MYL9: variants seen among roughly 807,000 people sequenced by gnomAD.
The protein encoded by MYL9 is myosin regulatory light polypeptide 9.
MYL9 carries 7 observed loss-of-function variants against 12.8 expected under a neutral mutation model. That is an observed-to-expected ratio of 0.55 (90% CI 0.31 to 1.03). The LOEUF (loss-of-function observed/expected upper bound fraction) is 1.03. Among genes scored for constraint, MYL9 ranks in the 50% least tolerant of loss-of-function variants. MYL9 has a pLI of 0.05. For missense variants in MYL9, 190 were observed against 242.7 expected, an observed-to-expected ratio of 0.78 and a Z score of 1.44; for synonymous variants, 81 against 87.8, an observed-to-expected ratio of 0.92 and a Z score of 0.43.
At chr20:36,546,802 G>T (rs961842100) in intron 2 of MYL9, among the ~76,000 whole-genome samples, 1 of 152,164 alleles carries the variant, frequency 6.6e-6, no homozygotes, top group Non-Finnish European at 1.5e-5. Flanking sequence ...TAGAGACAGG[G>T]TTTCGCCATG....
chr20:36,544,849 C>T lies in MYL9; in HGVS notation c.-26-10C>T, dbSNP rs1216574518. ...TCACAGGGCCACCCAACCCCCACCC[C>T]TTCCTGCAGGGAAGCCCCACCCACC... On this transcript the variant is annotated splice_polypyrimidine_tract_variant and intron_variant, in intron 1 of 3. Coordinates refer to ENST00000279022, the MANE Select transcript of MYL9 (RefSeq NM_006097.5). 10 of 1,589,264 alleles carry T rather than the reference C, an allele frequency of 6.3e-6. No homozygotes were observed. The Admixed American group carries it at 1.7e-4, about 27-fold the overall frequency.
At chr20:36,543,508 G>C (rs2038060488) in intron 1 of MYL9, among the ~76,000 whole-genome samples, 1 of 152,204 alleles carries the variant, frequency 6.6e-6, no homozygotes, top group South Asian at 2.1e-4. Flanking sequence ...CAGGCCCACT[G>C]CCCCAGCCGA....
rs2038140056 is a variant in MYL9, at chr20:36,549,160, C to G, written c.430C>G (p.Arg144Gly). 4 of 1,613,822 alleles carry G rather than the reference C, an allele frequency of 2.5e-6. No individual in the cohort carries two copies. The African/African-American group carries it at 5.3e-5, about 22-fold the overall frequency. The part of the protein sequence containing the change: ...FTDEEVDEMY[R>G]EAPIDKKGNF... ...AGATGAGGAAGTGGACGAGATGTAC[C>G]GGGAGGCACCCATTGATAAGAAAGG... Residue 144 changes from arginine (R) to glycine (G), a missense_variant, in exon 4 of 4, where the codon CGG becomes GGG. By Grantham distance (125) the Arg-to-Gly change is moderately radical. Coordinates refer to ENST00000279022, the MANE Select transcript of MYL9 (RefSeq NM_006097.5).
In MYL9 at chr20:36,544,924, C is replaced by A. The variant is rs775610439; in HGVS notation, c.40C>A (p.Arg14=). Residue 14 remains arginine (R), a synonymous_variant, in exon 2 of 4, where the codon CGG becomes AGG. Transcript: ENST00000279022. ...KRAKAKTTKK[R]PQRATSNVFA... is the part of the protein sequence containing the mutation. ...GGCCAAAGCCAAGACCACCAAGAAG[C>A]GGCCACAGCGGGCCACATCCAATGT... The A allele has an allele frequency of 1.2e-6, 2 of 1,613,750 alleles. No homozygotes were observed. The highest frequency in any genetic ancestry group is 1.7e-6 in the Non-Finnish European group (2 of 1,179,856).
chr20:36,541,667 GC>G, intron 1 of MYL9, 106 bp downstream of exon 1: 1 of 152,716 alleles, frequency 6.5e-6, no homozygotes, highest in Non-Finnish European at 1.5e-5. Context: ...GCAAAGGCGG[GC>G]CCCACGGACT....
intron 2 of MYL9, 121 bp from the exon 3 acceptor site, chr20:36,547,911 C>A: frequency 8.0e-7 from 1 of 1,244,662 alleles, no homozygotes; most frequent in Non-Finnish European, 1.1e-6. Context: ...GTTCACAAAA[C>A]CCACTACCTC....
In MYL9 at chr20:36,551,206, GC is replaced by G. The variant is rs1430665904; in HGVS notation, c.*1959del. 6.6e-6 allele frequency: 1 copy of G among 152,354 alleles called. No homozygotes were observed. The highest frequency in any genetic ancestry group is 1.5e-5 in the Non-Finnish European group (1 of 68,188). 9.4% of individuals were successfully genotyped at this position (152,354 alleles called of 1,614,324 possible). ...TCCAGCCTCACTGGCTTCAGAACTG[GC>G]CTGGGGGCTACCTTGACCCACAGGA... On this transcript the variant is annotated 3_prime_UTR_variant, in exon 4 of 4. Transcript: ENST00000279022.
chr20:36,551,043 G>A lies in MYL9; in HGVS notation c.*1794G>A. ...CAGCAGAGCCACTGCAGCACCAAAGGCATTTCTGGAAGGAGGCAAGGACGC... is the reference window on the plus strand; with the variant it reads ...CAGCAGAGCCACTGCAGCACCAAAGACATTTCTGGAAGGAGGCAAGGACGC... On this transcript the variant is annotated 3_prime_UTR_variant, in exon 4 of 4. Coordinates refer to ENST00000279022, the MANE Select transcript of MYL9 (RefSeq NM_006097.5). 6.5e-6 allele frequency: 1 copy of A among 152,692 alleles called. No individual in the cohort carries two copies. Among genetic ancestry groups the A allele is most frequent in the Non-Finnish European group, 1.5e-5 (1 of 68,326 alleles). 9.5% of individuals were successfully genotyped at this position (152,692 alleles called of 1,614,324 possible).
intron 1 of MYL9, among the ~76,000 whole-genome samples, chr20:36,543,711 C>G (rs892556922): frequency 6.6e-6 from 1 of 152,192 alleles, no homozygotes; most frequent in Non-Finnish European, 1.5e-5. Context: ...TTGGTGTAAA[C>G]TGGGGGATCT....
intron 3 of MYL9, 127 bp from the exon 4 acceptor site, chr20:36,548,950 A>G: frequency 1.0e-6 from 1 of 978,612 alleles, no homozygotes; most frequent in Middle Eastern, 3.4e-4. Context: ...CAGACTGACC[A>G]GAGACTAAGA....
intron 1 of MYL9, among the ~76,000 whole-genome samples, chr20:36,544,068 G>A (rs1192938558): frequency 6.6e-6 from 1 of 152,142 alleles, no homozygotes; most frequent in Admixed American, 6.5e-5. Flanking sequence ...GGTCTGTATG[G>A]GACAGAAGAG....
At chr20:36,545,125 C>T in intron 2 of MYL9, 57 bp downstream of exon 2, 1 of 1,575,038 alleles carries the variant, frequency 6.3e-7, no homozygotes, top group South Asian at 1.1e-5. Flanking sequence ...CTCTGCCAAT[C>T]ATTTACAGGG....
At chr20:36,545,701 C>T (rs916889805) in intron 2 of MYL9, among the ~76,000 whole-genome samples, 1 of 151,882 alleles carries the variant, frequency 6.6e-6, no homozygotes, top group Non-Finnish European at 1.5e-5. Context: ...GAGGCCAAGG[C>T]GGGCGGATCA....
rs1332064592 is a variant in MYL9, at chr20:36,550,725, A to T, written c.*1476A>T. On this transcript the variant is annotated 3_prime_UTR_variant, in exon 4 of 4. Coordinates refer to ENST00000279022, the MANE Select transcript of MYL9 (RefSeq NM_006097.5). ...CAGGCCCTGCTCAGAGCTCGGCTGAAACTCCTCATCCTGGCTCCAAACAGA... is the reference window on the plus strand; with the variant it reads ...CAGGCCCTGCTCAGAGCTCGGCTGATACTCCTCATCCTGGCTCCAAACAGA... The T allele has an allele frequency of 1.3e-5, 2 of 152,268 alleles. No individual in the cohort carries two copies. Among genetic ancestry groups the T allele is most frequent in the African/African-American group, 4.8e-5 (2 of 41,432 alleles). 9.4% of individuals were successfully genotyped at this position (152,268 alleles called of 1,614,324 possible). A position where few individuals can be genotyped will look rare whatever the true frequency, so the allele number is the denominator to read the frequency against.
At chr20:36,546,254 T>C (rs1239927699) in intron 2 of MYL9, among the ~76,000 whole-genome samples, 1 of 152,116 alleles carries the variant, frequency 6.6e-6, no homozygotes, top group East Asian at 1.9e-4. Flanking sequence ...AGCCAGCCAC[T>C]CTCAGCCCAG....
At chr20:36,546,555 CAGGCTCGCTTGA>C (rs2038102514) in intron 2 of MYL9, among the ~76,000 whole-genome samples, 1 of 152,158 alleles carries the variant, frequency 6.6e-6, no homozygotes, top group African/African-American at 2.4e-5. Flanking sequence ...CGCTTCTGGC[CAGGCTCGCTTGA>C]AGGCTCCCTC....
chr20:36,543,717 G>A (rs1183859186), intron 1 of MYL9, among the ~76,000 whole-genome samples: 3 of 152,226 alleles, frequency 2.0e-5, no homozygotes, highest in Admixed American at 6.5e-5. Flanking sequence ...TAAACTGGGG[G>A]ATCTATGCTG....
chr20:36,544,815 G>T, intron 1 of MYL9, 44 bp from the exon 2 acceptor site: 2 of 1,511,338 alleles, frequency 1.3e-6, no homozygotes, highest in Non-Finnish European at 9.0e-7. Flanking sequence ...AAGATTCCCT[G>T]GCCCAGAGTC....
At chr20:36,541,814 C>T (rs2038039649) in intron 1 of MYL9, among the ~76,000 whole-genome samples, 1 of 152,180 alleles carries the variant, frequency 6.6e-6, no homozygotes, top group African/African-American at 2.4e-5. Context: ...AGTGGTCCTG[C>T]GGCAAGGGAA....
Sources: gnomAD v4.1 joint callset for allele counts (sites outside exome capture counted in the v4.1 genomes callset) on GRCh38, gnomAD v4.1.1 for gene constraint, MANE v1.5 for transcripts, NCBI Gene and HGNC (gene_info 2026-07-23, HGNC 2026-07-21) for gene names.